Variants in MSI2 observed in about 807,000 individuals in gnomAD.
The protein encoded by MSI2 is musashi RNA binding protein 2, also known as RNA-binding protein Musashi homolog 2.
Under a neutral mutation model 45.6 loss-of-function variants are expected in MSI2, and 17 were observed. The ratio of observed to expected loss-of-function variants is 0.37; its 90% CI spans 0.26 to 0.56. The LOEUF (loss-of-function observed/expected upper bound fraction) is 0.56. MSI2 is among the 20% of genes least tolerant of loss of function. The probability of loss-of-function intolerance (pLI) is 0.77; values close to 1 mark genes in which losing one functional copy is unlikely to be tolerated. For missense variants in MSI2, 293 were observed against 444.2 expected (o/e 0.66, Z 3.06); for synonymous variants, 156 against 158.2 (o/e 0.99, Z 0.11).
intron 2 of MSI2, 61 bp from the exon 3 acceptor site, chr17:57,257,405 C>A: frequency 1.0e-6 from 1 of 997,482 alleles, no homozygotes; most frequent in Admixed American, 2.4e-5. Flanking sequence ...TCAAAATTTG[C>A]ATTGCTTTTT....
chr17:57,525,824 A>T (rs2086685175), intron 6 of MSI2, among the ~76,000 whole-genome samples: 1 of 152,196 alleles, frequency 6.6e-6, no homozygotes, highest in Non-Finnish European at 1.5e-5. Context: ...AGGTACAAAG[A>T]ATTTTGTAAG....
chr17:57,303,693 T>C (rs1404078265), intron 5 of MSI2, among the ~76,000 whole-genome samples: 2 of 152,232 alleles, frequency 1.3e-5, no homozygotes, highest in Non-Finnish European at 2.9e-5. Flanking sequence ...AACACATTTA[T>C]TTATTGAGTT....
chr17:57,508,862 G>A (rs2086292148), intron 6 of MSI2, among the ~76,000 whole-genome samples: 1 of 152,200 alleles, frequency 6.6e-6, no homozygotes, highest in Admixed American at 6.5e-5. Context: ...TCTTGCACGT[G>A]TTCATGCACC....
chr17:57,432,528 GC>G (rs1312512495), intron 6 of MSI2: 2 of 152,342 alleles, frequency 1.3e-5, no homozygotes, highest in African/African-American at 4.8e-5. Flanking sequence ...TGGCCCTTTG[GC>G]TTCTTCCTTA....
chr17:57,446,000 C>T (rs148315447), intron 6 of MSI2, among the ~76,000 whole-genome samples: 5 of 152,262 alleles, frequency 3.3e-5, no homozygotes, highest in East Asian at 1.9e-4. Flanking sequence ...GTGAGTAAGA[C>T]GGCAAGCTCT....
At chr17:57,649,314 T>G (rs1214966588) in intron 10 of MSI2, among the ~76,000 whole-genome samples, 1 of 140,952 alleles carries the variant, frequency 7.1e-6, no homozygotes, top group Non-Finnish European at 1.5e-5. Context: ...ACACAACACA[T>G]ACATACACTC....
chr17:57,602,478 G>A lies in MSI2; in HGVS notation c.537+5528G>A, dbSNP rs539979447. 3.3e-5 allele frequency among the ~76,000 whole-genome samples: 5 copies of A among 152,206 alleles called. No homozygotes were observed. In the South Asian group the frequency reaches 1.0e-3, roughly 32 times the overall value. On this transcript the variant is annotated intron_variant, in intron 8 of 13. Transcript: ENST00000284073. ...AGTGATTCTCGTGCCTCGGCCTCCC[G>A]AGTAGCTGGGATTATAGGCATGCGC...
the MSI2 span, among the ~76,000 whole-genome samples, chr17:57,692,335 C>T: frequency 6.6e-6 from 1 of 152,034 alleles, no homozygotes; most frequent in Non-Finnish European, 1.5e-5. Flanking sequence ...ATAGTGATGG[C>T]CACATAAAAT....
intron 5 of MSI2, among the ~76,000 whole-genome samples, chr17:57,374,108 A>G (rs183068635): frequency 2.3e-4 from 35 of 152,316 alleles, no homozygotes; most frequent in Admixed American, 1.2e-3. Context: ...ACAAAAACAA[A>G]AAAGCAGCCA....
chr17:57,543,377 T>G (rs911106816), intron 7 of MSI2, among the ~76,000 whole-genome samples: 1 of 152,224 alleles, frequency 6.6e-6, no homozygotes, highest in Non-Finnish European at 1.5e-5. Flanking sequence ...CAGTCCTGCC[T>G]GTAGTTCCGC....
At chr17:57,496,877 A>C (rs1175160844) in intron 6 of MSI2, among the ~76,000 whole-genome samples, 3 of 152,154 alleles carry the variant, frequency 2.0e-5, no homozygotes, top group African/African-American at 7.2e-5. Context: ...GTACAATTAC[A>C]ACTTGTTTTG....
chr17:57,541,828 A>AT (rs1240549545), intron 7 of MSI2, among the ~76,000 whole-genome samples: 1 of 152,146 alleles, frequency 6.6e-6, no homozygotes, highest in Non-Finnish European at 1.5e-5. Flanking sequence ...CGCATTTGAA[A>AT]TTTCTCCCTC....
chr17:57,260,283 T>C (rs1907188342), intron 4 of MSI2, among the ~76,000 whole-genome samples: 1 of 152,230 alleles, frequency 6.6e-6, no homozygotes, highest in South Asian at 2.1e-4. Context: ...CTTTGCACAC[T>C]GAGGAACTTC....
At chr17:57,360,376 T>G (rs978925670) in intron 5 of MSI2, among the ~76,000 whole-genome samples, 27 of 152,386 alleles carry the variant, frequency 1.8e-4, no homozygotes, top group African/African-American at 6.3e-4. Context: ...TCCGAGCCTC[T>G]GATCTCTAGG....
At position 57,280,301 on chromosome 17, in the gene MSI2, T is replaced by G. The variant is rs1374525768; in HGVS notation, c.312+18109T>G. 6.6e-6 allele frequency among the ~76,000 whole-genome samples: 1 copy of G among 152,156 alleles called. No individual in the cohort carries two copies. Among genetic ancestry groups the G allele is most frequent in the Non-Finnish European group, 1.5e-5 (1 of 68,026 alleles). ...ATCAGGTTTGCGTTTTGAAAATATCTCTCTGACAGTCTACACGAAAAGTGG... is the reference window on the plus strand; with the variant it reads ...ATCAGGTTTGCGTTTTGAAAATATCGCTCTGACAGTCTACACGAAAAGTGG... On this transcript the variant is annotated intron_variant, in intron 5 of 13. Transcript: ENST00000284073. This position sits in a 1 kb window ranked among gnomAD's most constrained non-coding sequence, Gnocchi z 4.2.
chr17:57,285,131 C>A (rs1425406098), intron 5 of MSI2, among the ~76,000 whole-genome samples: 2 of 152,088 alleles, frequency 1.3e-5, no homozygotes, highest in African/African-American at 2.4e-5. Context: ...AGATAAGGAA[C>A]CGTCAACATC....
intron 5 of MSI2, among the ~76,000 whole-genome samples, chr17:57,378,074 C>CAAAA (rs1226149152): frequency 2.2e-5 from 2 of 92,760 alleles, no homozygotes; most frequent in Non-Finnish European, 2.3e-5. Flanking sequence ...GACATCATCT[C>CAAAA]AAAAAAAAAA....
At chr17:57,510,551 C>T (rs548634136) in intron 6 of MSI2, among the ~76,000 whole-genome samples, 2 of 152,110 alleles carry the variant, frequency 1.3e-5, no homozygotes, top group Admixed American at 6.5e-5. Context: ...CCTCAGCCTC[C>T]CAAGTAGCTG....
chr17:57,294,334 G>A (rs1910734896), intron 5 of MSI2, among the ~76,000 whole-genome samples: 1 of 152,152 alleles, frequency 6.6e-6, no homozygotes, highest in Admixed American at 6.5e-5. Context: ...TTAAGTGCCG[G>A]CAGGTGCAGG....
Sources: allele counts gnomAD v4.1 joint callset (sites outside exome capture counted in the v4.1 genomes callset), GRCh38; gene constraint gnomAD v4.1.1; non-coding constraint Gnocchi (gnomAD v3.1); transcripts MANE v1.5; gene names NCBI Gene and HGNC (gene_info 2026-07-23, HGNC 2026-07-21).